The following RNF150 variants were observed in gnomAD, a reference collection of about 807,000 sequenced individuals.
RNF150 encodes the protein ring finger protein 150.
RNF150 carries 24 observed loss-of-function variants against 39.3 expected under a neutral mutation model. The observed-to-expected ratio is 0.61, with a 90% CI of 0.44 to 0.86. RNF150 has a LOEUF of 0.86. Ranked by LOEUF, RNF150 falls within the 40% of genes least tolerant of loss-of-function variation. RNF150 has a pLI of 0.00. For missense variants in RNF150, 502 were observed against 587.8 expected, an observed-to-expected ratio of 0.85 and a Z score of 1.51; for synonymous variants, 255 against 227.3, an observed-to-expected ratio of 1.12 and a Z score of -1.10.
chr4:141,051,121 A>G (rs1331279324), intron 1 of RNF150, among the ~76,000 whole-genome samples: 1 of 152,180 alleles, frequency 6.6e-6, no homozygotes, highest in Non-Finnish European at 1.5e-5. Flanking sequence ...CTCTGAAGCC[A>G]TGGCCCAAGC....
At chr4:141,000,097 A>AGAG (rs1560679689) in intron 1 of RNF150, among the ~76,000 whole-genome samples, 1 of 132,086 alleles carries the variant, frequency 7.6e-6, no homozygotes. Context: ...GAGAAGAAGA[A>AGAG]GAAGAAGAAG....
chr4:140,981,589 C>T (rs939635140), intron 1 of RNF150, among the ~76,000 whole-genome samples: 4 of 152,082 alleles, frequency 2.6e-5, no homozygotes, highest in Non-Finnish European at 5.9e-5. Context: ...ACATGACATA[C>T]CATCGATACA....
intron 1 of RNF150, among the ~76,000 whole-genome samples, chr4:141,093,703 C>T (rs1738678867): frequency 6.6e-6 from 1 of 152,162 alleles, no homozygotes; most frequent in Non-Finnish European, 1.5e-5. Context: ...ACTCTATAAA[C>T]ATCTGCCTTG....
intron 4 of RNF150, among the ~76,000 whole-genome samples, chr4:140,926,556 A>G (rs1455418269): frequency 1.3e-5 from 2 of 152,224 alleles, no homozygotes; most frequent in African/African-American, 4.8e-5. Context: ...AGCATTCAGT[A>G]ACACCAATGC....
chr4:141,058,897 A>G (rs1737100727), intron 1 of RNF150, among the ~76,000 whole-genome samples: 1 of 152,184 alleles, frequency 6.6e-6, no homozygotes, highest in Admixed American at 6.5e-5. Context: ...TTGACACATG[A>G]TAAACTGTGT....
At chr4:140,908,244 T>TA (rs1311127066) in intron 6 of RNF150, among the ~76,000 whole-genome samples, 2 of 152,140 alleles carry the variant, frequency 1.3e-5, no homozygotes, top group Admixed American at 6.5e-5. Flanking sequence ...ACTAGGCAAT[T>TA]AAAAAAATCT....
intron 1 of RNF150, among the ~76,000 whole-genome samples, chr4:141,116,184 C>T (rs1560746761): frequency 6.6e-6 from 1 of 152,116 alleles, no homozygotes; most frequent in Admixed American, 6.5e-5. Context: ...GTAAAAGAAA[C>T]TATCATCAGA....
At chr4:141,066,309 A>C (rs1408516186) in intron 1 of RNF150, among the ~76,000 whole-genome samples, 2 of 152,126 alleles carry the variant, frequency 1.3e-5, no homozygotes, top group Non-Finnish European at 2.9e-5. Context: ...AGAAGCATAT[A>C]TCTCCATCAT....
At chr4:141,054,819 G>C (rs1002376816) in intron 1 of RNF150, among the ~76,000 whole-genome samples, 1 of 152,116 alleles carries the variant, frequency 6.6e-6, no homozygotes, top group Non-Finnish European at 1.5e-5. Context: ...ACTGTATTAG[G>C]TATTAATTTA....
intron 1 of RNF150, among the ~76,000 whole-genome samples, chr4:141,038,880 A>G (rs969741259): frequency 1.3e-5 from 2 of 152,126 alleles, no homozygotes; most frequent in African/African-American, 4.8e-5. Context: ...GAGGAAGAAC[A>G]TGGCCCAGAG....
intron 1 of RNF150, among the ~76,000 whole-genome samples, chr4:141,186,543 T>C (rs569417264): frequency 9.2e-4 from 139 of 151,540 alleles, no homozygotes; most frequent in African/African-American, 3.2e-3. Context: ...GGACTACAGG[T>C]GCCCACCACC....
intron 1 of RNF150, chr4:141,053,663 TA>T: frequency 7.3e-7 from 1 of 1,371,582 alleles, no homozygotes; most frequent in Non-Finnish European, 9.5e-7. Context: ...GGCTAAAGCA[TA>T]CCTGAGGAAA....
intron 1 of RNF150, among the ~76,000 whole-genome samples, chr4:141,199,762 A>G (rs1560776315): frequency 6.6e-6 from 1 of 152,202 alleles, no homozygotes; most frequent in Non-Finnish European, 1.5e-5. Context: ...AAATATGACT[A>G]TGTTTTGTCA....
At chr4:140,987,275 T>C (rs1395734454) in intron 1 of RNF150, among the ~76,000 whole-genome samples, 1 of 152,148 alleles carries the variant, frequency 6.6e-6, no homozygotes, top group African/African-American at 2.4e-5. Flanking sequence ...ATTCTAAAAT[T>C]TCTATGGAAC....
At chr4:141,097,963 T>C (rs1738862181) in intron 1 of RNF150, among the ~76,000 whole-genome samples, 1 of 152,180 alleles carries the variant, frequency 6.6e-6, no homozygotes, top group Non-Finnish European at 1.5e-5. Flanking sequence ...ATTCAAATTT[T>C]ACCCATCTCC....
At chr4:141,025,596 A>C (rs537090842) in intron 1 of RNF150, among the ~76,000 whole-genome samples, 1 of 152,272 alleles carries the variant, frequency 6.6e-6, no homozygotes, top group Non-Finnish European at 1.5e-5. Context: ...CATAGAAATA[A>C]ATTTATTTAA....
chr4:141,131,093 A>G (rs375140902), intron 1 of RNF150, among the ~76,000 whole-genome samples: 35 of 152,362 alleles, frequency 2.3e-4, no homozygotes, highest in African/African-American at 8.2e-4. Flanking sequence ...TGATTACTGG[A>G]GGCAAACCAA....
chr4:141,030,543 T>C lies in RNF150; in HGVS notation c.485-62670A>G, dbSNP rs999453539. ...AGCTGGAGTCACAATAGCCAAGATA[T>C]GAAATTTACCTAAGTGTCCATTCAT... is the stretch of plus-strand genomic sequence containing the variant. On this transcript the variant is annotated intron_variant, in intron 1 of 6. Transcript: ENST00000515673. Among the ~76,000 whole-genome samples, 8 of 152,240 alleles carry C rather than the reference T, an allele frequency of 5.3e-5. No homozygotes were observed. The East Asian group carries it at 1.4e-3, about 26-fold the overall frequency.
intron 1 of RNF150, among the ~76,000 whole-genome samples, chr4:141,061,009 G>C (rs1737200551): frequency 6.6e-6 from 1 of 152,078 alleles, no homozygotes; most frequent in African/African-American, 2.4e-5. Flanking sequence ...GCTAGGGAAG[G>C]GACAGTATTA....
Sources: gnomAD v4.1 joint callset for allele counts (sites outside exome capture counted in the v4.1 genomes callset) on GRCh38, gnomAD v4.1.1 for gene constraint, MANE v1.5 for transcripts, NCBI Gene and HGNC (gene_info 2026-07-23, HGNC 2026-07-21) for gene names.